NAALADL2: variants seen among roughly 807,000 people sequenced by gnomAD.
NAALADL2 encodes N-acetylated alpha-linked acidic dipeptidase like 2, also known as inactive N-acetylated-alpha-linked acidic dipeptidase-like protein 2.
A neutral mutation model predicts 87.2 loss-of-function variants in NAALADL2; 76 were observed. The observed-to-expected ratio is 0.87, with a 90% CI of 0.72 to 1.05. The LOEUF (loss-of-function observed/expected upper bound fraction) is 1.05. Among genes scored for constraint, NAALADL2 ranks in the 50% least tolerant of loss-of-function variants. The probability of loss-of-function intolerance (pLI) is 0.00; values close to 1 mark genes in which losing one functional copy is unlikely to be tolerated. For synonymous variants in NAALADL2, 354 were observed against 331.0 expected, an observed-to-expected ratio of 1.07 and a Z score of -0.75; for missense variants, 1,089 against 945.8, an observed-to-expected ratio of 1.15 and a Z score of -1.99.
intron 2 of NAALADL2, among the ~76,000 whole-genome samples, chr3:174,622,829 G>A (rs1261432487): frequency 7.2e-5 from 11 of 151,878 alleles, no homozygotes; most frequent in Non-Finnish European, 1.5e-4. Context: ...TCACGAGGTC[G>A]GGAGATGGAG....
intron 2 of NAALADL2, among the ~76,000 whole-genome samples, chr3:174,573,221 A>G (rs188404102): frequency 1.8e-4 from 28 of 152,276 alleles, no homozygotes; most frequent in Admixed American, 7.2e-4. Context: ...AGTCTGGGGA[A>G]GAAAGTCTTG....
intron 1 of NAALADL2, among the ~76,000 whole-genome samples, chr3:174,473,423 T>C (rs918122829): frequency 1.3e-5 from 2 of 152,180 alleles, no homozygotes; most frequent in African/African-American, 4.8e-5. Context: ...TGGCTAATAA[T>C]AGGAATCACC....
At chr3:175,777,807 A>G (rs958813591) in intron 13 of NAALADL2, among the ~76,000 whole-genome samples, 3 of 152,176 alleles carry the variant, frequency 2.0e-5, no homozygotes, top group Non-Finnish European at 4.4e-5. Context: ...GAGAGTCAGT[A>G]GCTGGATCTC....
intron 1 of NAALADL2, among the ~76,000 whole-genome samples, chr3:174,984,774 C>G (rs1440363880): frequency 2.6e-5 from 4 of 152,026 alleles, no homozygotes; most frequent in Admixed American, 2.6e-4. Context: ...AAGGCACATA[C>G]AATTGAAGGG....
At chr3:175,761,290 C>T (rs1747971905) in intron 13 of NAALADL2, among the ~76,000 whole-genome samples, 1 of 152,182 alleles carries the variant, frequency 6.6e-6, no homozygotes, top group East Asian at 1.9e-4. Context: ...CAGAATGTCA[C>T]CTATTTGGAA....
chr3:175,119,935 A>G (rs1725903701), intron 2 of NAALADL2, among the ~76,000 whole-genome samples: 1 of 132,846 alleles, frequency 7.5e-6, no homozygotes, highest in East Asian at 2.2e-4. Context: ...GATGAATTAT[A>G]TGAGGAAAAA....
At chr3:175,325,156 T>C (rs1760544446) in intron 5 of NAALADL2, among the ~76,000 whole-genome samples, 1 of 144,454 alleles carries the variant, frequency 6.9e-6, no homozygotes, top group Non-Finnish European at 1.5e-5. Context: ...TTTTTTGTTT[T>C]TTTTTCCCCA....
intron 3 of NAALADL2, among the ~76,000 whole-genome samples, chr3:174,754,658 T>C (rs1187206239): frequency 6.6e-6 from 1 of 152,054 alleles, no homozygotes; most frequent in African/African-American, 2.4e-5. Context: ...TTTTTTAAGA[T>C]TGAGAATTTT....
intron 1 of NAALADL2, among the ~76,000 whole-genome samples, chr3:174,454,526 C>A (rs991857630): frequency 6.6e-6 from 1 of 152,030 alleles, no homozygotes; most frequent in African/African-American, 2.4e-5. Context: ...GAATTGAAAT[C>A]GTAAGAACCA....
At chr3:174,935,790 CCT>C (rs1361904306) in intron 1 of NAALADL2, among the ~76,000 whole-genome samples, 1 of 152,026 alleles carries the variant, frequency 6.6e-6, no homozygotes, top group Non-Finnish European at 1.5e-5. Flanking sequence ...ATTCTGTTTG[CCT>C]CTCATGTTTT....
intron 5 of NAALADL2, among the ~76,000 whole-genome samples, chr3:175,372,533 C>T (rs1581629495): frequency 6.6e-6 from 1 of 152,158 alleles, no homozygotes; most frequent in Non-Finnish European, 1.5e-5. Flanking sequence ...AAGGCTGAAG[C>T]TATAGTCATC....
chr3:175,014,029 A>G (rs1306137947), intron 1 of NAALADL2, among the ~76,000 whole-genome samples: 1 of 152,144 alleles, frequency 6.6e-6, no homozygotes, highest in Non-Finnish European at 1.5e-5. Flanking sequence ...GACCTCTGTC[A>G]TTTGCCAGGG....
chr3:175,248,940 G>C (rs528968958), intron 3 of NAALADL2, among the ~76,000 whole-genome samples: 2 of 151,886 alleles, frequency 1.3e-5, no homozygotes, highest in South Asian at 2.1e-4. Flanking sequence ...TAGAGCCATT[G>C]TATCAAACAG....
intron 11 of NAALADL2, among the ~76,000 whole-genome samples, chr3:175,638,863 T>C (rs889323252): frequency 7.9e-5 from 12 of 152,254 alleles, no homozygotes; most frequent in African/African-American, 2.4e-4. Flanking sequence ...AATGATAAAA[T>C]ATTGACCCTG....
rs1196975625 is a variant in NAALADL2, at chr3:174,962,526, A to C, written c.43+103076A>C. Among the ~76,000 whole-genome samples the C allele has an allele frequency of 3.3e-5, 5 of 150,574 alleles. No homozygotes were observed. The East Asian group carries it at 9.8e-4, about 29-fold the overall frequency. Reference sequence around the variant, plus strand: ...GTGAAGTTTCACAAGTGGACCATACATAATAAAAGGCAGAAGAGAGTTGTG... The same window carrying C: ...GTGAAGTTTCACAAGTGGACCATACCTAATAAAAGGCAGAAGAGAGTTGTG... On this transcript the variant is annotated intron_variant, in intron 1 of 13. Transcript: ENST00000454872.
chr3:174,473,953 G>A (rs771968688), intron 1 of NAALADL2, among the ~76,000 whole-genome samples: 5 of 152,072 alleles, frequency 3.3e-5, no homozygotes, highest in East Asian at 1.9e-4. Flanking sequence ...AAGGCACCTC[G>A]TCACAGGGTG....
intron 4 of NAALADL2, among the ~76,000 whole-genome samples, chr3:175,305,602 A>AACCTCC (rs992940831): frequency 5.9e-5 from 9 of 152,046 alleles, no homozygotes; most frequent in African/African-American, 1.9e-4. Flanking sequence ...GGCTCACCGC[A>AACCTCC]ACCTCCACCT....
At chr3:174,606,717 G>C (rs1255740746) in intron 2 of NAALADL2, among the ~76,000 whole-genome samples, 1 of 152,278 alleles carries the variant, frequency 6.6e-6, no homozygotes, top group East Asian at 1.9e-4. Flanking sequence ...AAGTGATGGG[G>C]AGAATGGAAC....
At chr3:174,642,857 A>G (rs892064829) in intron 2 of NAALADL2, among the ~76,000 whole-genome samples, 6 of 151,022 alleles carry the variant, frequency 4.0e-5, no homozygotes, top group Admixed American at 1.3e-4. Context: ...ATCACAACTC[A>G]CTGCAGCCTC....
Sources: gnomAD v4.1 joint callset for allele counts (sites outside exome capture counted in the v4.1 genomes callset) on GRCh38, gnomAD v4.1.1 for gene constraint, MANE v1.5 for transcripts, NCBI Gene and HGNC (gene_info 2026-07-23, HGNC 2026-07-21) for gene names.